ATR: variants seen among roughly 807,000 people sequenced by gnomAD.
The protein encoded by ATR is serine/threonine-protein kinase ATR.
In ATR, 142 loss-of-function variants were observed where a neutral mutation model predicts 305.3. The ratio of observed to expected loss-of-function variants is 0.47; its 90% CI spans 0.41 to 0.53. The LOEUF (loss-of-function observed/expected upper bound fraction) is 0.53. ATR is among the 20% of genes least tolerant of loss of function. The pLI, the probability that ATR is intolerant of heterozygous loss-of-function variation, is 0.00. For missense variants in ATR, 2,135 were observed against 3,133.1 expected, an observed-to-expected ratio of 0.68 and a Z score of 7.60; for synonymous variants, 1,050 against 1,068.1, an observed-to-expected ratio of 0.98 and a Z score of 0.33.
Position 142,466,002 on chromosome 3 carries a change from CCT to C in ATR, c.6897+320_6897+321del, listed in dbSNP as rs944644967. 9.5e-5 allele frequency among the ~76,000 whole-genome samples: 14 copies of C among 147,520 alleles called. No individual in the cohort carries two copies. In the East Asian group the frequency reaches 2.7e-3, roughly 29 times the overall value. ...CCCAACCCGGGCAACAGAATGAGAC[CCT>C]GTTTCCAAAAAAAAAAAAAAAGAAA... On this transcript the variant is annotated intron_variant, in intron 40 of 46. Transcript: ENST00000350721.
intron 30 of ATR, chr3:142,499,957 C>G (rs2031869698): frequency 2.4e-6 from 1 of 410,266 alleles, no homozygotes; most frequent in Non-Finnish European, 4.4e-6. Context: ...AAATGACATT[C>G]TTCAACAAAT....
chr3:142,451,030 C>A, intron 46 of ATR: 1 of 1,263,844 alleles, frequency 7.9e-7, no homozygotes, highest in South Asian at 1.5e-5. Flanking sequence ...TAAGAGACAC[C>A]AGTGAATATG....
In ATR at chr3:142,562,942, C is replaced by T; in HGVS notation, c.460G>A (p.Glu154Lys). The change falls in exon 4 of 47, where the codon GAA becomes AAA. Residue 154 changes from glutamate (E) to lysine (K), a missense_variant. This residue lies in a region of ATR where 744 missense variants were observed against 873.2 expected (regional missense o/e 0.85). Coordinates refer to ENST00000350721, the MANE Select transcript of ATR (RefSeq NM_001184.4). The part of the protein sequence containing the change: ...VLTKELLQLF[E>K]DLVYLHRRNV... ...CTTCTATGGAGGTAAACCAAGTCTT[C>T]AAAAAGTTGTAATAATTCTTTTGTG... 1.2e-6 allele frequency: 2 copies of T among 1,612,698 alleles called. No homozygotes were observed. The highest frequency in any genetic ancestry group is 1.7e-6 in the Non-Finnish European group (2 of 1,179,638).
intron 45 of ATR, among the ~76,000 whole-genome samples, chr3:142,453,525 A>G (rs1205980853): frequency 6.6e-6 from 1 of 152,160 alleles, no homozygotes; most frequent in Non-Finnish European, 1.5e-5. Flanking sequence ...AAATGACTAT[A>G]TTTTGAATGA....
intron 26 of ATR, among the ~76,000 whole-genome samples, chr3:142,512,786 T>A (rs2032644016): frequency 6.6e-6 from 1 of 151,874 alleles, no homozygotes; most frequent in Non-Finnish European, 1.5e-5. Context: ...ACCTGGGAGG[T>A]GGAGGTTGCA....
At position 142,465,256 on chromosome 3, in the gene ATR, TTA is replaced by T; in HGVS notation, c.6898-18_6898-17del. 2 of 1,606,206 alleles carry T rather than the reference TTA, an allele frequency of 1.2e-6. No individual in the cohort carries two copies. The highest frequency in any genetic ancestry group is 1.7e-6 in the Non-Finnish European group (2 of 1,175,330). ...GAATTTCCACCTAAAAGATGATGAG[TTA>T]TATATGAATTAGGGCCAAAAATTTC... On this transcript the variant is annotated splice_polypyrimidine_tract_variant and intron_variant, in intron 40 of 46. Coordinates refer to ENST00000350721, the MANE Select transcript of ATR (RefSeq NM_001184.4).
chr3:142,464,974 C>T, intron 41 of ATR, 123 bp downstream of exon 41: 2 of 509,718 alleles, frequency 3.9e-6, no homozygotes, highest in South Asian at 1.6e-4. Context: ...TACTAAAATG[C>T]CTATATCAGA....
At chr3:142,528,877 A>AT (rs201313146) in intron 21 of ATR, among the ~76,000 whole-genome samples, 2,481 of 47,100 alleles carry the variant, frequency 0.053, 110 homozygotes, top group Non-Finnish European at 0.062. Context: ...ATATATATAT[A>AT]TATTTTTTTT....
At chr3:142,453,800 G>A (rs1044847498) in intron 45 of ATR, among the ~76,000 whole-genome samples, 4 of 152,010 alleles carry the variant, frequency 2.6e-5, no homozygotes, top group African/African-American at 4.8e-5. Context: ...TCCTCACCCC[G>A]TCTTCCTCTA....
intron 36 of ATR, among the ~76,000 whole-genome samples, chr3:142,475,659 C>T (rs1377714564): frequency 1.4e-4 from 22 of 152,078 alleles, no homozygotes; most frequent in East Asian, 7.7e-4. Flanking sequence ...TCTAGATCCC[C>T]GAGGAACCGC....
chr3:142,467,888 A>G (rs373034026), intron 39 of ATR, 46 bp downstream of exon 39: 25 of 1,602,124 alleles, frequency 1.6e-5, no homozygotes, highest in Middle Eastern at 3.3e-4. Context: ...AATTATATAC[A>G]TAATTACCCA....
At chr3:142,482,036 G>A (rs77421614) in intron 36 of ATR, among the ~76,000 whole-genome samples, 2,726 of 151,862 alleles carry the variant, frequency 0.018, 29 homozygotes, top group South Asian at 0.041. Context: ...ATGTTGCTCT[G>A]GCTGGTTTTG....
chr3:142,502,625 G>GA (rs763452427), intron 30 of ATR, among the ~76,000 whole-genome samples: 3 of 151,580 alleles, frequency 2.0e-5, no homozygotes, highest in Admixed American at 6.6e-5. Context: ...AATAAAAGTT[G>GA]AAAAAAAAGA....
rs1232256727 is a variant in ATR at position 142,524,694 on chromosome 3, A to G, written c.3946-495T>C. On this transcript the variant is annotated intron_variant, in intron 21 of 46. Coordinates refer to ENST00000350721, the MANE Select transcript of ATR (RefSeq NM_001184.4). The stretch of plus-strand genomic sequence containing the variant: ...AAAACAAGAAGTTTGAAAAGTGTAT[A>G]ACAACTAGTAAAGAAGGAAAAAAGA... Among the ~76,000 whole-genome samples the G allele has an allele frequency of 2.0e-5, 3 of 152,324 alleles. No homozygotes were observed. In the East Asian group the frequency reaches 5.8e-4, roughly 29 times the overall value.
chr3:142,498,370 A>T (rs768540601), intron 32 of ATR, among the ~76,000 whole-genome samples: 2 of 152,188 alleles, frequency 1.3e-5, no homozygotes, highest in African/African-American at 2.4e-5. Flanking sequence ...CAAACATAAG[A>T]TATTTTTATT....
intron 3 of ATR, 72 bp downstream of exon 3, chr3:142,566,049 A>G: frequency 8.2e-6 from 13 of 1,592,380 alleles, no homozygotes; most frequent in Non-Finnish European, 7.8e-6. Context: ...TACATGTAAT[A>G]TTTCAGAAGA....
At chr3:142,467,822 G>A (rs2071165018) in intron 39 of ATR, 112 bp downstream of exon 39, 3 of 1,260,020 alleles carry the variant, frequency 2.4e-6, no homozygotes, top group South Asian at 1.4e-5. Context: ...TTTGATATAT[G>A]TGTACACCTA....
At position 142,469,484 on chromosome 3, in the gene ATR, T is replaced by C. The variant is rs1369512517; in HGVS notation, c.6405A>G (p.Pro2135=). 4.3e-6 allele frequency: 7 copies of C among 1,613,820 alleles called. No homozygotes were observed. The highest frequency in any genetic ancestry group is 1.1e-5 in the South Asian group (1 of 91,084). The change falls in exon 38 of 47, where the codon CCA becomes CCG. Residue 2135 remains proline, a synonymous_variant. Coordinates refer to ENST00000350721, the MANE Select transcript of ATR (RefSeq NM_001184.4). Reference sequence around the variant, plus strand: ...GTGAAAAAGCAGTCAAAAATTGATATGGAGCTAAATAGTTTGTATGCTCTG... The same window carrying C: ...GTGAAAAAGCAGTCAAAAATTGATACGGAGCTAAATAGTTTGTATGCTCTG... The part of the protein sequence containing the change: ...VITEHTNYLA[P]YQFLTAFSQL...
chr3:142,563,825 GT>G (rs2034968033), intron 3 of ATR, among the ~76,000 whole-genome samples: 1 of 152,136 alleles, frequency 6.6e-6, no homozygotes, highest in Non-Finnish European at 1.5e-5. Flanking sequence ...CAAAGAAAAA[GT>G]TTTTGGAGGA....
Sources: allele counts gnomAD v4.1 joint callset (sites outside exome capture counted in the v4.1 genomes callset), GRCh38; gene constraint gnomAD v4.1.1; regional missense constraint gnomAD v4.1.1; transcripts MANE v1.5; gene names NCBI Gene and HGNC (gene_info 2026-07-23, HGNC 2026-07-21).